Variants in SORCS3 observed in about 807,000 individuals in gnomAD.
The protein encoded by SORCS3 is VPS10 domain-containing receptor SorCS3.
A neutral mutation model predicts 146.3 loss-of-function variants in SORCS3; 57 were observed. The ratio of observed to expected loss-of-function variants is 0.39; its 90% confidence interval spans 0.31 to 0.49. The LOEUF (loss-of-function observed/expected upper bound fraction) is 0.49. SORCS3 is among the 20% of genes least tolerant of loss of function. SORCS3 has a pLI of 0.92. For synonymous variants in SORCS3, 653 were observed against 618.5 expected (o/e 1.06, Z -0.83); for missense variants, 1,341 against 1,575.5 (o/e 0.85, Z 2.52).
chr10:104,955,175 A>C (rs2019474412), intron 3 of SORCS3, among the ~76,000 whole-genome samples: 1 of 151,608 alleles, frequency 6.6e-6, no homozygotes, highest in African/African-American at 2.4e-5. Flanking sequence ...GTCGTTTCCC[A>C]TTCCCCTATA....
intron 12 of SORCS3, among the ~76,000 whole-genome samples, 191 bp from the exon 13 acceptor site, chr10:105,167,067 A>G (rs2056319885): frequency 6.6e-6 from 1 of 152,162 alleles, no homozygotes; most frequent in Non-Finnish European, 1.5e-5. Context: ...GCCTAGGGAC[A>G]GTTATTTGTT....
At chr10:104,984,730 G>A (rs2054952170) in intron 4 of SORCS3, among the ~76,000 whole-genome samples, 1 of 152,118 alleles carries the variant, frequency 6.6e-6, no homozygotes, top group African/African-American at 2.4e-5. Context: ...TGTGGGTTCA[G>A]TTCCAGGCCA....
chr10:104,790,144 A>G (rs1263132171), intron 1 of SORCS3, among the ~76,000 whole-genome samples: 1 of 152,246 alleles, frequency 6.6e-6, no homozygotes, highest in Admixed American at 6.5e-5. Context: ...AGTACTAAAT[A>G]ACATGATGCA....
intron 3 of SORCS3, among the ~76,000 whole-genome samples, chr10:104,963,142 C>G (rs1399112040): frequency 1.3e-5 from 2 of 152,078 alleles, no homozygotes; most frequent in Non-Finnish European, 2.9e-5. Flanking sequence ...GTGCATAAAC[C>G]TTTTATTGGG....
intron 7 of SORCS3, among the ~76,000 whole-genome samples, chr10:105,132,560 C>T (rs2056028358): frequency 6.6e-6 from 1 of 152,150 alleles, no homozygotes; most frequent in South Asian, 2.1e-4. Flanking sequence ...AGATTTCTGT[C>T]TTTCCTCCAG....
At chr10:105,052,554 G>A (rs905173176) in intron 5 of SORCS3, among the ~76,000 whole-genome samples, 2 of 152,036 alleles carry the variant, frequency 1.3e-5, no homozygotes, top group South Asian at 2.1e-4. Flanking sequence ...TGTCTATGAG[G>A]GTGGTGGGTC....
intron 13 of SORCS3, among the ~76,000 whole-genome samples, chr10:105,170,623 G>A (rs2056351734): frequency 1.3e-5 from 2 of 152,162 alleles, no homozygotes; most frequent in African/African-American, 4.8e-5. Flanking sequence ...ACATGACAGA[G>A]ACCATGATTT....
intron 22 of SORCS3, 72 bp from the exon 23 acceptor site, chr10:105,252,703 A>C (rs1223628258): frequency 6.3e-7 from 1 of 1,595,878 alleles, no homozygotes; most frequent in Non-Finnish European, 8.6e-7. Context: ...GGCTGTGCAC[A>C]CTCTGCTCTT....
chr10:104,737,024 G>T (rs1242517779), intron 1 of SORCS3, among the ~76,000 whole-genome samples: 1 of 151,816 alleles, frequency 6.6e-6, no homozygotes, highest in Non-Finnish European at 1.5e-5. Context: ...CTGAGAACAT[G>T]CAGTGTTTGG....
At chr10:104,973,854 C>T (rs545938940) in intron 3 of SORCS3, among the ~76,000 whole-genome samples, 1 of 148,704 alleles carries the variant, frequency 6.7e-6, no homozygotes, top group South Asian at 2.1e-4. Flanking sequence ...TTTCCCTCTA[C>T]ACACTGCTTT....
chr10:104,824,550 T>C (rs924018928), intron 1 of SORCS3, among the ~76,000 whole-genome samples: 2 of 152,204 alleles, frequency 1.3e-5, no homozygotes, highest in African/African-American at 4.8e-5. Flanking sequence ...GAGTTGGTGA[T>C]AGGGTATTCA....
At chr10:104,719,077 C>G (rs908776471) in intron 1 of SORCS3, among the ~76,000 whole-genome samples, 10 of 152,024 alleles carry the variant, frequency 6.6e-5, no homozygotes, top group Non-Finnish European at 1.3e-4. Flanking sequence ...TGTGTAATTA[C>G]TATAAAAATA....
At chr10:104,644,191 G>A (rs1348549652) in intron 1 of SORCS3, among the ~76,000 whole-genome samples, 1 of 152,198 alleles carries the variant, frequency 6.6e-6, no homozygotes, top group African/African-American at 2.4e-5. Context: ...CAGCCCACAG[G>A]GACTTATTGG....
At chr10:104,767,993 A>G (rs2017201903) in intron 1 of SORCS3, among the ~76,000 whole-genome samples, 1 of 152,264 alleles carries the variant, frequency 6.6e-6, no homozygotes, top group South Asian at 2.1e-4. Flanking sequence ...TAGAACCCAG[A>G]TGTTTAACAG....
At position 104,960,112 on chromosome 10, in the gene SORCS3, C is replaced by T. The variant is rs576733341; in HGVS notation, c.796-17223C>T. Among the ~76,000 whole-genome samples, 6 of 152,196 alleles carry T rather than the reference C, an allele frequency of 3.9e-5. No homozygotes were observed. The East Asian group carries it at 1.2e-3, about 29-fold the overall frequency. Reference sequence around the variant, plus strand: ...AGTTCTAAGGAATGTTCATGTGATACGATACTTACTGGGCAATGCAATGTT... The same window carrying T: ...AGTTCTAAGGAATGTTCATGTGATATGATACTTACTGGGCAATGCAATGTT... On this transcript the variant is annotated intron_variant, in intron 3 of 26. Coordinates refer to ENST00000369701, the MANE Select transcript of SORCS3 (RefSeq NM_014978.3).
At chr10:105,245,066 C>CAAAAA (rs3043042) in intron 20 of SORCS3, among the ~76,000 whole-genome samples, 1 of 99,760 alleles carries the variant, frequency 1.0e-5, no homozygotes, top group African/African-American at 4.4e-5. Context: ...AAGACTCTGT[C>CAAAAA]AAAAAAAAAA....
intron 7 of SORCS3, among the ~76,000 whole-genome samples, chr10:105,113,772 A>C (rs1342765562): frequency 6.6e-6 from 1 of 152,220 alleles, no homozygotes; most frequent in Non-Finnish European, 1.5e-5. Context: ...TTAATCTGTC[A>C]GTTCCTTTTC....
intron 2 of SORCS3, among the ~76,000 whole-genome samples, chr10:104,879,768 C>A (rs1264167213): frequency 6.6e-6 from 1 of 152,196 alleles, no homozygotes; most frequent in Non-Finnish European, 1.5e-5. Flanking sequence ...TGCCCTGAGC[C>A]AGGGCTCACG....
intron 2 of SORCS3, among the ~76,000 whole-genome samples, chr10:104,899,861 G>C (rs1048820350): frequency 1.4e-4 from 21 of 152,008 alleles, no homozygotes; most frequent in African/African-American, 4.6e-4. Context: ...CTGCCATTGA[G>C]TGCTGTGACC....
Sources: allele counts gnomAD v4.1 joint callset (sites outside exome capture counted in the v4.1 genomes callset), GRCh38; gene constraint gnomAD v4.1.1; transcripts MANE v1.5; gene names NCBI Gene and HGNC (gene_info 2026-07-23, HGNC 2026-07-21).